Variants in CDH11 observed in about 807,000 individuals in gnomAD.
CDH11 encodes cadherin-11.
In CDH11, 11 loss-of-function variants were observed where a neutral mutation model predicts 67.8. The observed-to-expected ratio is 0.16, with a 90% CI of 0.10 to 0.27. CDH11 has a LOEUF of 0.27. CDH11 is among the 10% of genes least tolerant of loss of function. CDH11 has a pLI of 1.00. For missense variants in CDH11, 847 were observed against 1,031.2 expected, an observed-to-expected ratio of 0.82 and a Z score of 2.45; for synonymous variants, 419 against 400.0, an observed-to-expected ratio of 1.05 and a Z score of -0.57.
At chr16:65,004,200 T>TA (rs908504667) in intron 3 of CDH11, among the ~76,000 whole-genome samples, 38 of 151,956 alleles carry the variant, frequency 2.5e-4, no homozygotes, top group Non-Finnish European at 4.3e-4. Flanking sequence ...ACCTTTTCTC[T>TA]AAAAAAATGA....
At position 65,121,924 on chromosome 16, in the gene CDH11, T is replaced by C. The variant is rs998683828; in HGVS notation, c.-342A>G. ...ACGCAACCTCCGAGCCGCCAGTCCCTGGCGCAGGGCAAGCGCTGCGGTGTC... is the reference window on the plus strand; with the variant it reads ...ACGCAACCTCCGAGCCGCCAGTCCCCGGCGCAGGGCAAGCGCTGCGGTGTC... On this transcript the variant is annotated 5_prime_UTR_variant, in exon 1 of 13. Transcript: ENST00000268603. This position sits in a 1 kb window ranked among gnomAD's most constrained non-coding sequence, Gnocchi z 4.1. 51 of 701,648 alleles carry C rather than the reference T, an allele frequency of 7.3e-5. No individual in the cohort carries two copies. The highest frequency in any genetic ancestry group is 2.3e-4 in the Middle Eastern group (1 of 4,380). The allele number at this position is 701,648 out of a possible 1,614,324, so 43.5% of individuals were successfully genotyped here.
At chr16:64,971,831 C>A in intron 10 of CDH11, 100 bp downstream of exon 10, 1 of 1,457,048 alleles carries the variant, frequency 6.9e-7, no homozygotes, top group South Asian at 1.2e-5. Flanking sequence ...GCTCTGAAAC[C>A]TTTTTGGGCA....
rs1453563109 is a variant in CDH11, at chr16:64,965,781, C to G, written c.1642+5798G>C. ...TTATGCGGTGCATGAAACACACACA[C>G]ACACACACACACACACACACACACA... On this transcript the variant is annotated intron_variant, in intron 11 of 12. Transcript: ENST00000268603. Among the ~76,000 whole-genome samples the G allele has an allele frequency of 5.0e-4, 9 of 17,864 alleles. No homozygotes were observed. The East Asian group carries it at 0.011, about 21-fold the overall frequency. 11.7% of individuals were successfully genotyped at this position (17,864 alleles called of 152,430 possible). A position where few individuals can be genotyped will look rare whatever the true frequency, so the allele number is the denominator to read the frequency against.
chr16:65,057,031 T>G (rs2074154981), intron 1 of CDH11, among the ~76,000 whole-genome samples: 1 of 152,108 alleles, frequency 6.6e-6, no homozygotes, highest in Non-Finnish European at 1.5e-5. Context: ...GGTATACAAT[T>G]ATATCATGTT....
chr16:64,948,877 C>T (rs540458383), intron 12 of CDH11: 1 of 915,330 alleles, frequency 1.1e-6, no homozygotes. Context: ...GAGGCTTCTA[C>T]AATATTCCAT....
chr16:64,947,691 T>C lies in CDH11; in HGVS notation c.2303A>G (p.Asp768Gly), dbSNP rs751285612. Residue 768 changes from aspartate (D) to glycine (G), a missense_variant, in exon 13 of 13, where the codon GAC becomes GGC. Physicochemically the swap from Asp to Gly is moderately conservative, Grantham distance 94. Coordinates refer to ENST00000268603, the MANE Select transcript of CDH11 (RefSeq NM_001797.4). ...TCCCCAGTTCTGTAGATAATCATAG[T>C]CCAAGTCTGAATCTGTGGTGGCCGA... ...LESATTDSDL[D>G]YDYLQNWGPR... The C allele has an allele frequency of 6.2e-7, 1 of 1,614,142 alleles. No individual in the cohort carries two copies. The highest frequency in any genetic ancestry group is 8.5e-7 in the Non-Finnish European group (1 of 1,180,010).
chr16:65,054,863 T>C (rs1479011082), intron 1 of CDH11, among the ~76,000 whole-genome samples: 1 of 152,200 alleles, frequency 6.6e-6, no homozygotes, highest in South Asian at 2.1e-4. Context: ...TTTCCAAATC[T>C]CTTTCCTTGT....
At chr16:65,057,157 T>C (rs1332414858) in intron 1 of CDH11, among the ~76,000 whole-genome samples, 1 of 152,226 alleles carries the variant, frequency 6.6e-6, no homozygotes, top group South Asian at 2.1e-4. Context: ...CTGCATTCTC[T>C]GCACCGGCCT....
At chr16:65,049,238 C>A (rs563478178) in intron 2 of CDH11, among the ~76,000 whole-genome samples, 1 of 152,086 alleles carries the variant, frequency 6.6e-6, no homozygotes, top group East Asian at 1.9e-4. Context: ...CATTGCCATA[C>A]CAAAATAACT....
chr16:65,036,380 G>T (rs974867854), intron 2 of CDH11, among the ~76,000 whole-genome samples: 1 of 152,052 alleles, frequency 6.6e-6, no homozygotes, highest in Non-Finnish European at 1.5e-5. Flanking sequence ...AGAGGCAATG[G>T]ATCTGGTACT....
chr16:65,075,208 C>T (rs2074488591), intron 1 of CDH11, among the ~76,000 whole-genome samples: 1 of 152,188 alleles, frequency 6.6e-6, no homozygotes, highest in African/African-American at 2.4e-5. Context: ...AAAGGAATGG[C>T]TCTCAGTCAT....
At chr16:65,088,556 A>C (rs1166502330) in intron 1 of CDH11, among the ~76,000 whole-genome samples, 1 of 152,186 alleles carries the variant, frequency 6.6e-6, no homozygotes, top group Admixed American at 6.5e-5. Flanking sequence ...AACATCTTAA[A>C]CTTTTCAGTT....
chr16:65,119,482 T>A (rs935076844), intron 1 of CDH11, among the ~76,000 whole-genome samples: 13 of 152,160 alleles, frequency 8.5e-5, no homozygotes, highest in African/African-American at 2.9e-4. Context: ...ATGCTGAACG[T>A]AATGAAAGTT....
chr16:64,962,486 G>C lies in CDH11; in HGVS notation c.1642+9093C>G, dbSNP rs143610809. 5.1e-3 allele frequency among the ~76,000 whole-genome samples: 769 copies of C among 152,178 alleles called. 4 individuals are homozygous for C. Among genetic ancestry groups the C allele is most frequent in the African/African-American group, 0.018 (732 of 41,528 alleles). On this transcript the variant is annotated intron_variant, in intron 11 of 12. Coordinates refer to ENST00000268603, the MANE Select transcript of CDH11 (RefSeq NM_001797.4). The stretch of plus-strand genomic sequence containing the variant: ...AACCAGTGCTGGGGTAGAAAAACCT[G>C]AACTGTAATTGACAAATTGATGGAG...
chr16:65,103,041 C>T (rs1481093889), intron 1 of CDH11, among the ~76,000 whole-genome samples: 2 of 152,168 alleles, frequency 1.3e-5, no homozygotes, highest in African/African-American at 4.8e-5. Flanking sequence ...CCACCCAGTG[C>T]CTACACATGC....
chr16:65,035,413 C>G (rs915598921), intron 2 of CDH11, among the ~76,000 whole-genome samples: 3 of 152,334 alleles, frequency 2.0e-5, no homozygotes, highest in Admixed American at 6.5e-5. Context: ...GAAGTATAGC[C>G]TGTCACAGCC....
chr16:65,025,192 C>A (rs2073506913), intron 2 of CDH11, among the ~76,000 whole-genome samples: 1 of 152,206 alleles, frequency 6.6e-6, no homozygotes. Flanking sequence ...GATGCCTGAC[C>A]TCCCTCATTC....
chr16:65,101,914 A>T (rs1395240539), intron 1 of CDH11, among the ~76,000 whole-genome samples: 2 of 152,138 alleles, frequency 1.3e-5, no homozygotes, highest in African/African-American at 4.8e-5. Context: ...TATTCTGATA[A>T]ATGGGTGGAT....
intron 2 of CDH11, among the ~76,000 whole-genome samples, chr16:65,013,183 A>C (rs2073218138): frequency 6.6e-6 from 1 of 152,268 alleles, no homozygotes; most frequent in South Asian, 2.1e-4. Context: ...TCTGTATACA[A>C]CTTGAGGCCC....
Sources: allele counts gnomAD v4.1 joint callset (sites outside exome capture counted in the v4.1 genomes callset), GRCh38; gene constraint gnomAD v4.1.1; non-coding constraint Gnocchi (gnomAD v3.1); transcripts MANE v1.5; gene names NCBI Gene and HGNC (gene_info 2026-07-23, HGNC 2026-07-21).